RIC1: variants seen among roughly 807,000 people sequenced by gnomAD.
RIC1 encodes RIC1 partner of RAB6A GEF complex.
Under a neutral mutation model 169.0 loss-of-function variants are expected in RIC1, and 88 were observed. The ratio of observed to expected loss-of-function variants is 0.52; its 90% CI spans 0.44 to 0.62. The LOEUF (loss-of-function observed/expected upper bound fraction) is 0.62. Among genes scored for constraint, RIC1 ranks in the 20% least tolerant of loss-of-function variants. The pLI is 0.00. For missense variants in RIC1, 1,877 were observed against 1,725.5 expected, an observed-to-expected ratio of 1.09 and a Z score of -1.56; for synonymous variants, 790 against 601.5, an observed-to-expected ratio of 1.31 and a Z score of -4.59.
chr9:5,767,118 A>T (rs1826827419), intron 21 of RIC1, among the ~76,000 whole-genome samples: 1 of 152,270 alleles, frequency 6.6e-6, no homozygotes, highest in African/African-American at 2.4e-5. Context: ...GACCAAAAGG[A>T]AGATAGATAA....
chr9:5,772,166 G>T (rs555706820), intron 23 of RIC1, among the ~76,000 whole-genome samples: 3 of 152,216 alleles, frequency 2.0e-5, no homozygotes, highest in African/African-American at 7.2e-5. Context: ...CTTCCTTGCA[G>T]TTTATTCATG....
At chr9:5,680,737 G>C (rs946199098) in intron 2 of RIC1, among the ~76,000 whole-genome samples, 3 of 144,980 alleles carry the variant, frequency 2.1e-5, no homozygotes, top group African/African-American at 7.6e-5. Context: ...ATTCTTCTCC[G>C]TTTTCTTCTT....
intron 17 of RIC1, among the ~76,000 whole-genome samples, chr9:5,758,585 A>G (rs1169661396): frequency 1.3e-5 from 2 of 152,180 alleles, no homozygotes; most frequent in Non-Finnish European, 2.9e-5. Context: ...AAATATCTGC[A>G]GACAGTTAAC....
At chr9:5,700,345 C>G (rs186249183) in intron 3 of RIC1, among the ~76,000 whole-genome samples, 22 of 152,172 alleles carry the variant, frequency 1.4e-4, no homozygotes, top group African/African-American at 5.3e-4. Flanking sequence ...TGTTTCATTT[C>G]TTTTTGTTCA....
chr9:5,771,262 T>C (rs1045266638), intron 23 of RIC1, among the ~76,000 whole-genome samples: 2 of 152,222 alleles, frequency 1.3e-5, no homozygotes, highest in Non-Finnish European at 2.9e-5. Flanking sequence ...ATTTTATTTT[T>C]TCTCTCTGAA....
intron 1 of RIC1, among the ~76,000 whole-genome samples, chr9:5,641,751 A>G (rs1818262330): frequency 7.0e-6 from 1 of 143,428 alleles, no homozygotes; most frequent in Non-Finnish European, 1.5e-5. Flanking sequence ...TTTCAACTTT[A>G]GAATTGCTGC....
At position 5,720,601 on chromosome 9, in the gene RIC1, T is replaced by A; in HGVS notation, c.584-13T>A. Reference sequence around the variant, plus strand: ...TTCTTAATCCTATTTCATGTGCTTATTTTTTTCATCAGTAGGTTCATTCCT... The same window carrying A: ...TTCTTAATCCTATTTCATGTGCTTAATTTTTTCATCAGTAGGTTCATTCCT... On this transcript the variant is annotated splice_polypyrimidine_tract_variant and intron_variant, in intron 5 of 25. Transcript: ENST00000414202. 6.4e-7 allele frequency: 1 copy of A among 1,574,560 alleles called. No individual in the cohort carries two copies. The highest frequency in any genetic ancestry group is 2.3e-5 in the East Asian group (1 of 44,056).
intron 1 of RIC1, among the ~76,000 whole-genome samples, chr9:5,632,335 C>G (rs772992916): frequency 6.6e-6 from 1 of 152,164 alleles, no homozygotes; most frequent in Non-Finnish European, 1.5e-5. Flanking sequence ...GACTGAATCT[C>G]TATTAAAATC....
intron 16 of RIC1, among the ~76,000 whole-genome samples, 155 bp from the exon 17 acceptor site, chr9:5,757,158 A>C (rs566782061): frequency 1.3e-5 from 2 of 152,034 alleles, no homozygotes; most frequent in Admixed American, 1.3e-4. Flanking sequence ...AACCTTGCCA[A>C]CTTCCTGATC....
intron 7 of RIC1, among the ~76,000 whole-genome samples, chr9:5,736,527 A>C (rs1563937787): frequency 6.6e-6 from 1 of 152,222 alleles, no homozygotes; most frequent in South Asian, 2.1e-4. Context: ...TGAGATAAGC[A>C]CATGGAAATC....
At chr9:5,772,414 A>G (rs1200096305) in intron 23 of RIC1, 150 bp from the exon 24 acceptor site, 2 of 604,274 alleles carry the variant, frequency 3.3e-6, no homozygotes, top group African/African-American at 1.9e-5. Context: ...AATGTTTTCT[A>G]TGTTCACATG....
chr9:5,641,359 G>A (rs923636408), intron 1 of RIC1, among the ~76,000 whole-genome samples: 11 of 152,148 alleles, frequency 7.2e-5, no homozygotes, highest in Non-Finnish European at 1.6e-4. Context: ...CCAAAGTGCT[G>A]GGATTACAGG....
Position 5,680,236 on chromosome 9 carries a change from A to G in RIC1, c.253-9723A>G, listed in dbSNP as rs540098086. ...AGCTTTTTGATGTGCTGCTGGATTC[A>G]GTTTGCCAGTATTTTATTGAGGATT... On this transcript the variant is annotated intron_variant, in intron 2 of 25. Transcript: ENST00000414202. Among the ~76,000 whole-genome samples, 633 of 152,290 alleles carry G rather than the reference A, an allele frequency of 4.2e-3. 2 individuals carry two copies. Among genetic ancestry groups the G allele is most frequent in the African/African-American group, 0.014 (600 of 41,566 alleles).
At chr9:5,671,140 A>G (rs1052846421) in intron 2 of RIC1, among the ~76,000 whole-genome samples, 1 of 152,188 alleles carries the variant, frequency 6.6e-6, no homozygotes, top group African/African-American at 2.4e-5. Flanking sequence ...ACACTTTAGC[A>G]GAATTCAGGC....
At position 5,747,407 on chromosome 9, in the gene RIC1, C is replaced by T. The variant is rs758336440; in HGVS notation, c.1354C>T (p.His452Tyr). Residue 452 changes from histidine to tyrosine, a missense_variant, in exon 12 of 26, where the codon CAT (histidine) becomes TAT (tyrosine). His to Tyr is a moderately conservative substitution (Grantham distance 83). Around this residue, in one of 3 missense-constraint regions of RIC1, gnomAD observed 1,104 missense variants for 992.0 expected, o/e 1.11. Transcript: ENST00000414202. ...NPRSSSTHSEHKPSREKSPFA... is the reference protein window; with the variant it reads ...NPRSSSTHSEYKPSREKSPFA... ...CAGGAGTTCTTCAACACACTCTGAG[C>T]ATAAGCCCAGTCGAGAAAAGAGCCC... 9 of 1,614,054 alleles carry T rather than the reference C, an allele frequency of 5.6e-6. No individual in the cohort carries two copies. In the Admixed American group the frequency reaches 1.3e-4, roughly 24 times the overall value.
Position 5,642,677 on chromosome 9 carries a change from C to T in RIC1, c.144+13224C>T, listed in dbSNP as rs540005127. On this transcript the variant is annotated intron_variant, in intron 1 of 25. Coordinates refer to ENST00000414202, the MANE Select transcript of RIC1 (RefSeq NM_020829.4). ...AATCTGCCTCTGTGGCCACCACTAC[C>T]ACAGGGCCATAGTGGGTTCTGCCTG... Among the ~76,000 whole-genome samples, 88 of 145,032 alleles carry T rather than the reference C, an allele frequency of 6.1e-4. 4 individuals are homozygous for T. The highest frequency in any genetic ancestry group is 1.1e-3 in the Non-Finnish European group (71 of 67,358).
At chr9:5,718,139 C>CA (rs35477806) in intron 4 of RIC1, among the ~76,000 whole-genome samples, 8,515 of 27,970 alleles carry the variant, frequency 0.3, 3,576 homozygotes, top group African/African-American at 0.62. Flanking sequence ...GACTCCGTCT[C>CA]AAAAAAAAAA....
chr9:5,641,258 A>AT (rs1818229875), intron 1 of RIC1, among the ~76,000 whole-genome samples: 1 of 151,440 alleles, frequency 6.6e-6, no homozygotes, highest in Admixed American at 6.6e-5. Context: ...CACCCGGCTA[A>AT]TTTTTTGTAT....
At chr9:5,715,712 GC>G (rs1213283519) in intron 4 of RIC1, among the ~76,000 whole-genome samples, 1 of 152,070 alleles carries the variant, frequency 6.6e-6, no homozygotes, top group Non-Finnish European at 1.5e-5. Flanking sequence ...TTAATGTTAA[GC>G]ATCTAACTTT....
Sources: allele counts gnomAD v4.1 joint callset (sites outside exome capture counted in the v4.1 genomes callset), GRCh38; gene constraint gnomAD v4.1.1; regional missense constraint gnomAD v4.1.1; transcripts MANE v1.5; gene names NCBI Gene and HGNC (gene_info 2026-07-23, HGNC 2026-07-21).